CDK15: variants seen among roughly 807,000 people sequenced by gnomAD.
CDK15 encodes the protein cyclin dependent kinase 15.
A neutral mutation model predicts 60.3 loss-of-function variants in CDK15; 62 were observed. That is an observed-to-expected ratio of 1.03 (90% confidence interval 0.84 to 1.27). CDK15 has a LOEUF of 1.27. Ranked by LOEUF, CDK15 falls within the 50% of genes most tolerant of loss-of-function variation. The pLI, the probability that CDK15 is intolerant of heterozygous loss-of-function variation, is 0.00. For missense variants in CDK15, 541 were observed against 527.8 expected, an observed-to-expected ratio of 1.03 and a Z score of -0.25; for synonymous variants, 194 against 195.7, an observed-to-expected ratio of 0.99 and a Z score of 0.07.
chr2:201,868,182 G>A (rs1432918855), intron 10 of CDK15, among the ~76,000 whole-genome samples: 1 of 152,210 alleles, frequency 6.6e-6, no homozygotes, highest in Non-Finnish European at 1.5e-5. Flanking sequence ...AAACACCTGA[G>A]TGGGAGAGAG....
intron 9 of CDK15, 64 bp from the exon 10 acceptor site, chr2:201,854,810 T>A: frequency 1.4e-6 from 2 of 1,417,670 alleles, no homozygotes; most frequent in Non-Finnish European, 2.0e-6. Flanking sequence ...CATGTCTCCA[T>A]ACCTCTTCCA....
chr2:201,830,843 A>T (rs915000723), intron 6 of CDK15, among the ~76,000 whole-genome samples: 1 of 152,230 alleles, frequency 6.6e-6, no homozygotes, highest in African/African-American at 2.4e-5. Context: ...GAGGCAGCTT[A>T]TGACACTTGT....
chr2:201,835,952 AT>A (rs2105744992), intron 8 of CDK15, among the ~76,000 whole-genome samples, 189 bp downstream of exon 8: 1 of 101,228 alleles, frequency 9.9e-6, no homozygotes, highest in South Asian at 4.4e-4. Context: ...ATATTTATAT[AT>A]ATTTGTATAT....
intron 10 of CDK15, chr2:201,861,360 T>C (rs1375721442): frequency 1.0e-6 from 1 of 985,814 alleles, no homozygotes; most frequent in African/African-American, 1.8e-5. Flanking sequence ...CACAGAGAGG[T>C]GTATACTTAT....
chr2:201,860,796 A>G, intron 10 of CDK15: 1 of 1,352,210 alleles, frequency 7.4e-7, no homozygotes, highest in South Asian at 1.1e-5. Flanking sequence ...ATCGTACTGC[A>G]GCAATGCAGC....
Position 201,847,454 on chromosome 2 carries a change from C to T in CDK15, c.925C>T (p.Gln309Ter), listed in dbSNP as rs1344912578. 7 of 1,613,914 alleles carry T rather than the reference C, an allele frequency of 4.3e-6. No homozygotes were observed. The highest frequency in any genetic ancestry group is 1.7e-5 in the Admixed American group (1 of 60,006). ...LFPGVSNILE[Q>*]LEKIWEVLGV... ...TCCTGGGGTTTCCAACATCCTTGAA[C>T]AGCTGGAGAAAATCTGGGAGGTAGG... is the stretch of plus-strand genomic sequence containing the variant. Residue 309 changes from glutamine (Q) to a stop codon, truncating the protein, a stop_gained, in exon 9 of 14, where the codon CAG (glutamine) becomes TAG (stop). Transcript: ENST00000652192. LOFTEE classifies it high-confidence loss of function.
rs1695727755 is a variant in CDK15 at position 201,810,872 on chromosome 2, T to G, written c.369-1611T>G. ...TTTTTTTTTTTTTTCTCAGATGGAG[T>G]CTCACTCTGTCGCCCAGGCTGGGGT... On this transcript the variant is annotated intron_variant, in intron 3 of 13. Coordinates refer to ENST00000652192, the MANE Select transcript of CDK15 (RefSeq NM_001366386.2). Among the ~76,000 whole-genome samples, 5 of 142,500 alleles carry G rather than the reference T, an allele frequency of 3.5e-5. No homozygotes were observed. In the South Asian group the frequency reaches 8.7e-4, roughly 25 times the overall value. The allele number at this position is 142,500 out of a possible 152,430, so 93.5% of individuals were successfully genotyped here.
intron 12 of CDK15, chr2:201,888,875 T>C: frequency 1.9e-6 from 2 of 1,043,294 alleles, no homozygotes; most frequent in Non-Finnish European, 2.3e-6. Context: ...TGAGTTGATT[T>C]GAGAATAATT....
At chr2:201,807,301 T>G (rs974291938) in intron 1 of CDK15, among the ~76,000 whole-genome samples, 193 bp from the exon 2 acceptor site, 2 of 152,256 alleles carry the variant, frequency 1.3e-5, no homozygotes, top group East Asian at 1.9e-4. Flanking sequence ...GAAGAAAGAA[T>G]GTAGTATTTC....
intron 8 of CDK15, among the ~76,000 whole-genome samples, chr2:201,840,871 T>A (rs963020820): frequency 2.0e-4 from 31 of 152,334 alleles, no homozygotes; most frequent in African/African-American, 6.0e-4. Context: ...TGGATTTCTT[T>A]TTACTTACCC....
intron 6 of CDK15, among the ~76,000 whole-genome samples, chr2:201,826,757 TG>T (rs2105722453): frequency 1.3e-5 from 2 of 152,340 alleles, no homozygotes; most frequent in South Asian, 4.1e-4. Flanking sequence ...AATATTAGCA[TG>T]CATTACATTT....
rs369746064 is a variant in CDK15 at position 201,895,408 on chromosome 2, C to A, written c.*2141C>A. ...CATTATGCTTATGCATATGCATATA[C>A]CTTATGCATATGATTATGCTTGTGC... On this transcript the variant is annotated 3_prime_UTR_variant, in exon 14 of 14. Coordinates refer to ENST00000652192, the MANE Select transcript of CDK15 (RefSeq NM_001366386.2). 6.6e-6 allele frequency: 1 copy of A among 152,222 alleles called. No homozygotes were observed. The highest frequency in any genetic ancestry group is 1.9e-4 in the East Asian group (1 of 5,180). 9.4% of individuals were successfully genotyped at this position (152,222 alleles called of 1,614,324 possible). A position where few individuals can be genotyped will look rare whatever the true frequency, so the allele number is the denominator to read the frequency against.
At chr2:201,815,567 A>C (rs895294304) in intron 4 of CDK15, among the ~76,000 whole-genome samples, 1 of 152,222 alleles carries the variant, frequency 6.6e-6, no homozygotes, top group Non-Finnish European at 1.5e-5. Flanking sequence ...TGATTTTTAC[A>C]ACTAGGAGGA....
chr2:201,889,265 C>A, intron 12 of CDK15: 1 of 985,282 alleles, frequency 1.0e-6, no homozygotes. Context: ...TTTGAGCACC[C>A]CAGATTTATG....
At chr2:201,826,582 G>C (rs1247721097) in intron 6 of CDK15, among the ~76,000 whole-genome samples, 1 of 151,724 alleles carries the variant, frequency 6.6e-6, no homozygotes, top group East Asian at 1.9e-4. Flanking sequence ...TAGGGAAATA[G>C]AGGATATGTT....
chr2:201,880,466 C>T (rs1348445959), intron 12 of CDK15, among the ~76,000 whole-genome samples: 3 of 152,174 alleles, frequency 2.0e-5, no homozygotes, highest in South Asian at 2.1e-4. Flanking sequence ...ATGAGATGGA[C>T]GTTGTCTCTG....
At chr2:201,830,409 A>G (rs1696699196) in intron 6 of CDK15, among the ~76,000 whole-genome samples, 1 of 152,246 alleles carries the variant, frequency 6.6e-6, no homozygotes, top group African/African-American at 2.4e-5. Flanking sequence ...AGAAGTATCC[A>G]TTGGATTTCA....
intron 9 of CDK15, among the ~76,000 whole-genome samples, chr2:201,851,727 C>T (rs1345737466): frequency 6.6e-6 from 1 of 152,082 alleles, no homozygotes; most frequent in African/African-American, 2.4e-5. Flanking sequence ...TGGCTTGATC[C>T]TGGCTCATTG....
chr2:201,855,589 C>T (rs907638914), intron 10 of CDK15, among the ~76,000 whole-genome samples: 2 of 152,096 alleles, frequency 1.3e-5, no homozygotes, highest in Non-Finnish European at 2.9e-5. Flanking sequence ...GATGTTGAGA[C>T]AGAGGGGAGG....
Sources: allele counts gnomAD v4.1 joint callset (sites outside exome capture counted in the v4.1 genomes callset), GRCh38; gene constraint gnomAD v4.1.1; transcripts MANE v1.5; gene names NCBI Gene and HGNC (gene_info 2026-07-23, HGNC 2026-07-21).